The following ARHGAP24 variants were observed in gnomAD, a reference collection of about 807,000 sequenced individuals.
ARHGAP24 encodes Rho GTPase activating protein 24, also known as rho GTPase-activating protein 24.
A neutral mutation model predicts 76.4 loss-of-function variants in ARHGAP24; 50 were observed. The observed-to-expected ratio is 0.65, with a 90% CI of 0.52 to 0.83. The LOEUF (loss-of-function observed/expected upper bound fraction) is 0.83. ARHGAP24 is among the 40% of genes least tolerant of loss of function. The probability of loss-of-function intolerance (pLI) is 0.00; values close to 1 mark genes in which losing one functional copy is unlikely to be tolerated. For missense variants in ARHGAP24, 930 were observed against 914.2 expected, an observed-to-expected ratio of 1.02 and a Z score of -0.22; for synonymous variants, 345 against 323.3, an observed-to-expected ratio of 1.07 and a Z score of -0.72.
intron 2 of ARHGAP24, among the ~76,000 whole-genome samples, chr4:85,587,348 G>A (rs1161263): frequency 0.92 from 140,794 of 152,214 alleles, 65,168 homozygotes; most frequent in East Asian, 0.98. Context: ...TTAGAATAGA[G>A]ATAAGTTGTG....
intron 2 of ARHGAP24, among the ~76,000 whole-genome samples, chr4:85,683,971 T>C (rs1358752126): frequency 6.6e-6 from 1 of 152,212 alleles, no homozygotes; most frequent in East Asian, 1.9e-4. Flanking sequence ...TATATATATA[T>C]ACTGCATTTT....
chr4:85,574,001 T>C (rs111737832), intron 2 of ARHGAP24, among the ~76,000 whole-genome samples: 4 of 152,342 alleles, frequency 2.6e-5, no homozygotes, highest in Admixed American at 6.5e-5. Flanking sequence ...TTCAATAATA[T>C]GGAGAAAATA....
At chr4:85,869,634 C>T (rs1175400197) in intron 3 of ARHGAP24, among the ~76,000 whole-genome samples, 1 of 151,970 alleles carries the variant, frequency 6.6e-6, no homozygotes, top group Non-Finnish European at 1.5e-5. Flanking sequence ...TTTTTCCACA[C>T]CAAATTGGAG....
At chr4:85,570,431 C>T (rs1261189908) in intron 1 of ARHGAP24, 91 bp from the exon 2 acceptor site, 10,992 of 420,664 alleles carry the variant, frequency 0.026, 210 homozygotes, top group East Asian at 0.092. Context: ...CTCTCTCTCT[C>T]TTTTTTTTTT....
intron 3 of ARHGAP24, among the ~76,000 whole-genome samples, chr4:85,842,041 T>C (rs1197817890): frequency 1.3e-5 from 2 of 152,186 alleles, no homozygotes; most frequent in African/African-American, 4.8e-5. Context: ...TAAGAAGTTA[T>C]TGCCTGTTGA....
chr4:85,972,748 T>G (rs1396804180), intron 6 of ARHGAP24, among the ~76,000 whole-genome samples: 4 of 152,170 alleles, frequency 2.6e-5, no homozygotes, highest in Non-Finnish European at 5.9e-5. Context: ...TAATTCTCCT[T>G]TTTCCCCAGC....
At chr4:85,538,172 A>G (rs570695211) in intron 1 of ARHGAP24, among the ~76,000 whole-genome samples, 1 of 152,270 alleles carries the variant, frequency 6.6e-6, no homozygotes, top group South Asian at 2.1e-4. Flanking sequence ...GTGAGATAAG[A>G]AACAAGGGGT....
At chr4:85,916,166 C>T (rs1205979915) in intron 3 of ARHGAP24, among the ~76,000 whole-genome samples, 3 of 152,114 alleles carry the variant, frequency 2.0e-5, no homozygotes, top group Non-Finnish European at 4.4e-5. Flanking sequence ...TCTCTAATGA[C>T]CAGTGATGAT....
intron 2 of ARHGAP24, among the ~76,000 whole-genome samples, chr4:85,703,260 T>A (rs1439284036): frequency 6.6e-6 from 1 of 152,184 alleles, no homozygotes; most frequent in Non-Finnish European, 1.5e-5. Context: ...CAAATATTTT[T>A]AGTACGTGTC....
At chr4:85,864,233 A>G (rs1015763882) in intron 3 of ARHGAP24, among the ~76,000 whole-genome samples, 1 of 152,082 alleles carries the variant, frequency 6.6e-6, no homozygotes, top group Non-Finnish European at 1.5e-5. Flanking sequence ...GCTGCTTTTC[A>G]TTAAAAAGAA....
intron 3 of ARHGAP24, among the ~76,000 whole-genome samples, chr4:85,732,500 G>T (rs763852374): frequency 6.6e-6 from 1 of 151,940 alleles, no homozygotes; most frequent in Non-Finnish European, 1.5e-5. Context: ...GAGATGAAGT[G>T]GTCCTGAATG....
At chr4:85,680,610 T>C (rs1318607961) in intron 2 of ARHGAP24, among the ~76,000 whole-genome samples, 1 of 152,058 alleles carries the variant, frequency 6.6e-6, no homozygotes, top group Non-Finnish European at 1.5e-5. Flanking sequence ...ATGCTGTCTT[T>C]ACATGTCTCA....
chr4:85,666,492 A>T (rs546160741), intron 2 of ARHGAP24, among the ~76,000 whole-genome samples: 1 of 152,078 alleles, frequency 6.6e-6, no homozygotes, highest in South Asian at 2.1e-4. Context: ...TCTTCTCTCA[A>T]CTCGTCAAAG....
chr4:85,669,716 A>G (rs1396361342), intron 2 of ARHGAP24, among the ~76,000 whole-genome samples: 1 of 140,862 alleles, frequency 7.1e-6, no homozygotes, highest in Non-Finnish European at 1.5e-5. Context: ...CTATATTACA[A>G]ACTTCTATGT....
At chr4:85,942,369 G>A in intron 5 of ARHGAP24, 96 bp downstream of exon 5, 3 of 1,363,998 alleles carry the variant, frequency 2.2e-6, no homozygotes, top group South Asian at 2.4e-5. Context: ...TGATTGATGT[G>A]GTAACAGTTT....
At chr4:85,644,184 C>T (rs924303015) in intron 2 of ARHGAP24, among the ~76,000 whole-genome samples, 6 of 152,108 alleles carry the variant, frequency 3.9e-5, no homozygotes, top group Non-Finnish European at 5.9e-5. Flanking sequence ...AGAGTACTTA[C>T]CCGACATATT....
rs183679924 is a variant in ARHGAP24, at chr4:85,576,761, C to T, written c.180+6040C>T. The stretch of plus-strand genomic sequence containing the variant: ...TATTCATATAAAATATTATTTTATT[C>T]CACTGTTATTTAAAATTTTATTGCT... On this transcript the variant is annotated intron_variant, in intron 2 of 9. Transcript: ENST00000395184. 1.0e-3 allele frequency among the ~76,000 whole-genome samples: 152 copies of T among 152,108 alleles called. 1 individual carries two copies. The East Asian group carries it at 0.026, about 26-fold the overall frequency.
intron 1 of ARHGAP24, among the ~76,000 whole-genome samples, chr4:85,504,605 A>G (rs561047863): frequency 1.1e-4 from 17 of 152,220 alleles, no homozygotes; most frequent in Non-Finnish European, 1.9e-4. Context: ...TTTTGAGCCT[A>G]TGTGCGTCTC....
intron 3 of ARHGAP24, among the ~76,000 whole-genome samples, chr4:85,814,550 A>T (rs911699868): frequency 6.6e-6 from 1 of 152,114 alleles, no homozygotes; most frequent in Non-Finnish European, 1.5e-5. Flanking sequence ...CTCCAAAATG[A>T]TCTCCTTTGA....
Sources: allele counts gnomAD v4.1 joint callset (sites outside exome capture counted in the v4.1 genomes callset), GRCh38; gene constraint gnomAD v4.1.1; transcripts MANE v1.5; gene names NCBI Gene and HGNC (gene_info 2026-07-23, HGNC 2026-07-21).